Variants in ZNF280D observed in about 807,000 individuals in gnomAD.
The protein encoded by ZNF280D is suppressor of hairy wing homolog 4.
In ZNF280D, 39 loss-of-function variants were observed where a neutral mutation model predicts 94.7. The observed-to-expected ratio is 0.41, with a 90% CI of 0.32 to 0.54. The LOEUF (loss-of-function observed/expected upper bound fraction) is 0.54, where lower values mean the gene tolerates loss of function less well. Ranked by LOEUF, ZNF280D falls within the 20% of genes least tolerant of loss-of-function variation. The pLI is 0.22. For missense variants in ZNF280D, 1,090 were observed against 1,149.3 expected, an observed-to-expected ratio of 0.95 and a Z score of 0.75; for synonymous variants, 398 against 377.6, an observed-to-expected ratio of 1.05 and a Z score of -0.63.
chr15:56,639,247 A>T (rs987575304), intron 20 of ZNF280D, among the ~76,000 whole-genome samples: 5 of 151,722 alleles, frequency 3.3e-5, no homozygotes, highest in Admixed American at 2.0e-4. Context: ...AAAAACAAAA[A>T]GATGAAAGGC....
chr15:56,719,349 C>CA (rs1369362785), intron 1 of ZNF280D, among the ~76,000 whole-genome samples: 6 of 100,416 alleles, frequency 6.0e-5, no homozygotes, highest in Non-Finnish European at 9.7e-5. Context: ...AAACAAAAAA[C>CA]AAAAAACCAA....
chr15:56,709,860 G>T (rs557501737), intron 1 of ZNF280D, among the ~76,000 whole-genome samples: 1 of 152,210 alleles, frequency 6.6e-6, no homozygotes, highest in East Asian at 1.9e-4. Context: ...GCCTGTCGTT[G>T]GGTGGGGGTA....
At chr15:56,639,441 A>G (rs186804077) in intron 20 of ZNF280D, among the ~76,000 whole-genome samples, 2 of 152,240 alleles carry the variant, frequency 1.3e-5, no homozygotes, top group African/African-American at 4.8e-5. Context: ...GAAATCTCCA[A>G]ACTCCAAAGG....
rs575210787 is a variant in ZNF280D, at chr15:56,733,443, C to CG, written c.-86+14dup. 1,276 of 1,055,310 alleles carry CG rather than the reference C, an allele frequency of 1.2e-3. 1 individual carries two copies. The highest frequency in any genetic ancestry group is 1.6e-3 in the South Asian group (64 of 40,176). 65.4% of individuals were successfully genotyped at this position (1,055,310 alleles called of 1,614,324 possible). A position where few individuals can be genotyped will look rare whatever the true frequency, so the allele number is the denominator to read the frequency against. On this transcript the variant is annotated intron_variant, in intron 1 of 21. Coordinates refer to ENST00000267807, the MANE Select transcript of ZNF280D (RefSeq NM_017661.4). The stretch of plus-strand genomic sequence containing the variant: ...TGCTGCAGCGCAGGGCGGGCGGGGG[C>CG]GGGGGGGCGCTTACCGTGAGCGGAG...
chr15:56,634,467 A>G (rs1299151515), intron 21 of ZNF280D, among the ~76,000 whole-genome samples: 2 of 152,138 alleles, frequency 1.3e-5, no homozygotes, highest in East Asian at 3.8e-4. Context: ...CAAGGTGAAG[A>G]AAGGGCGAGA....
chr15:56,667,330 C>T (rs2054363928), intron 14 of ZNF280D, among the ~76,000 whole-genome samples: 2 of 151,980 alleles, frequency 1.3e-5, no homozygotes, highest in East Asian at 3.9e-4. Context: ...GCATAGAGCT[C>T]AAAATTTAAA....
intron 1 of ZNF280D, among the ~76,000 whole-genome samples, chr15:56,713,858 G>GT (rs2057901983): frequency 6.6e-6 from 1 of 152,078 alleles, no homozygotes; most frequent in Non-Finnish European, 1.5e-5. Flanking sequence ...GGAAATTACT[G>GT]TAACAGGATT....
chr15:56,729,327 G>C (rs980894622), intron 1 of ZNF280D, among the ~76,000 whole-genome samples: 6 of 152,172 alleles, frequency 3.9e-5, no homozygotes, highest in Non-Finnish European at 2.9e-5. Flanking sequence ...TCCTTAGTTG[G>C]CACTGTTAGG....
At chr15:56,661,014 T>A (rs2053907326) in intron 16 of ZNF280D, among the ~76,000 whole-genome samples, 1 of 151,992 alleles carries the variant, frequency 6.6e-6, no homozygotes, top group African/African-American at 2.4e-5. Context: ...ACAGAATGAA[T>A]GCCCAAAAAA....
At chr15:56,706,024 T>G (rs960927354) in intron 3 of ZNF280D, among the ~76,000 whole-genome samples, 1 of 147,660 alleles carries the variant, frequency 6.8e-6, no homozygotes, top group Non-Finnish European at 1.5e-5. Context: ...CTCACCACCA[T>G]AGAATGTGAC....
At chr15:56,659,691 G>T (rs1485001826) in intron 16 of ZNF280D, among the ~76,000 whole-genome samples, 1 of 151,834 alleles carries the variant, frequency 6.6e-6, no homozygotes, top group Non-Finnish European at 1.5e-5. Context: ...ATTTCAAAAT[G>T]TAGTCTTCCC....
chr15:56,723,733 A>G (rs568544272), intron 1 of ZNF280D, among the ~76,000 whole-genome samples: 2 of 152,168 alleles, frequency 1.3e-5, no homozygotes, highest in Admixed American at 1.3e-4. Context: ...TCAATACTTG[A>G]CCACGCCCAT....
chr15:56,640,969 AAAC>A (rs1339241046), intron 20 of ZNF280D, among the ~76,000 whole-genome samples: 6 of 152,118 alleles, frequency 3.9e-5, no homozygotes, highest in African/African-American at 1.4e-4. Flanking sequence ...TATTTATACA[AAAC>A]AATTTTTCTC....
intron 17 of ZNF280D, chr15:56,654,748 A>G: frequency 1.9e-6 from 1 of 533,744 alleles, no homozygotes; most frequent in South Asian, 1.5e-5. Flanking sequence ...ACCAATTGTT[A>G]AAAGTTAGGA....
chr15:56,640,761 G>A (rs1199331905), intron 20 of ZNF280D, among the ~76,000 whole-genome samples: 1 of 151,992 alleles, frequency 6.6e-6, no homozygotes, highest in Non-Finnish European at 1.5e-5. Context: ...TAAAATTTTT[G>A]AATACCATTT....
intron 21 of ZNF280D, among the ~76,000 whole-genome samples, chr15:56,633,087 A>T (rs1286289960): frequency 6.6e-6 from 1 of 152,160 alleles, no homozygotes; most frequent in South Asian, 2.1e-4. Flanking sequence ...TCAGTCCATT[A>T]TCTAGATCTA....
chr15:56,720,212 C>T (rs147800751), intron 1 of ZNF280D, among the ~76,000 whole-genome samples: 217 of 152,326 alleles, frequency 1.4e-3, no homozygotes, highest in East Asian at 0.013. Flanking sequence ...TGGTGTAATA[C>T]TCTAAATCCT....
chr15:56,636,566 C>T (rs2052363275), intron 20 of ZNF280D, among the ~76,000 whole-genome samples: 1 of 151,144 alleles, frequency 6.6e-6, no homozygotes, highest in Admixed American at 6.6e-5. Flanking sequence ...TCACTACAAC[C>T]TCCACCTCTC....
At chr15:56,668,687 C>T (rs1331082980) in intron 14 of ZNF280D, 136 bp downstream of exon 14, 7 of 792,110 alleles carry the variant, frequency 8.8e-6, no homozygotes, top group African/African-American at 3.6e-5. Flanking sequence ...TCCTTCTACA[C>T]ATAAAATTAA....
Sources: gnomAD v4.1 joint callset for allele counts (sites outside exome capture counted in the v4.1 genomes callset) on GRCh38, gnomAD v4.1.1 for gene constraint, MANE v1.5 for transcripts, NCBI Gene and HGNC (gene_info 2026-07-23, HGNC 2026-07-21) for gene names.